Variants in PTPRM observed in about 807,000 individuals in gnomAD.
The protein encoded by PTPRM is receptor-type tyrosine-protein phosphatase mu.
In PTPRM, 47 loss-of-function variants were observed where a neutral mutation model predicts 186.7. The observed-to-expected ratio is 0.25, with a 90% confidence interval of 0.20 to 0.32. The LOEUF (loss-of-function observed/expected upper bound fraction) is 0.32. Among genes scored for constraint, PTPRM ranks in the 10% least tolerant of loss-of-function variants. The probability of loss-of-function intolerance (pLI) is 1.00; values close to 1 mark genes in which losing one functional copy is unlikely to be tolerated. For missense variants in PTPRM, 1,494 were observed against 1,865.0 expected, an observed-to-expected ratio of 0.80 and a Z score of 3.66; for synonymous variants, 668 against 674.9, an observed-to-expected ratio of 0.99 and a Z score of 0.16.
chr18:7,847,281 C>G (rs1416000401), intron 2 of PTPRM, among the ~76,000 whole-genome samples: 1 of 151,730 alleles, frequency 6.6e-6, no homozygotes, highest in Non-Finnish European at 1.5e-5. Context: ...ATTCTCCCAC[C>G]TCAGCCTCCT....
chr18:8,083,696 CAG>C (rs1190524625), intron 9 of PTPRM, among the ~76,000 whole-genome samples: 10 of 152,252 alleles, frequency 6.6e-5, no homozygotes, highest in Non-Finnish European at 1.2e-4. Flanking sequence ...ATGGTGCTTG[CAG>C]AGTGTCAGTG....
At chr18:8,171,439 A>G (rs961117154) in intron 14 of PTPRM, among the ~76,000 whole-genome samples, 1 of 152,192 alleles carries the variant, frequency 6.6e-6, no homozygotes. Flanking sequence ...GGTCTGCCAT[A>G]GATGTGGGAC....
chr18:7,580,941 C>T (rs1236163704), intron 1 of PTPRM, among the ~76,000 whole-genome samples: 1 of 152,152 alleles, frequency 6.6e-6, no homozygotes, highest in Non-Finnish European at 1.5e-5. Flanking sequence ...CATATAAAAT[C>T]CGTATGATGA....
intron 2 of PTPRM, among the ~76,000 whole-genome samples, chr18:7,789,717 CT>C (rs1156268504): frequency 6.6e-6 from 1 of 152,180 alleles, no homozygotes; most frequent in Non-Finnish European, 1.5e-5. Context: ...TATCATTCTC[CT>C]TTCTCAAGTA....
intron 7 of PTPRM, among the ~76,000 whole-genome samples, chr18:7,972,476 C>CAAAAAAAAAAAAAAAAAAAAAAAAAAAAA (rs2054604907): frequency 8.9e-5 from 1 of 11,196 alleles, no homozygotes; most frequent in Non-Finnish European, 1.9e-4. Flanking sequence ...AAAAAAAAAA[C>CAAAAAAAAAAAAAAAAAAAAAAAAAAAAA]ATTAAAAAAA....
intron 32 of PTPRM, among the ~76,000 whole-genome samples, chr18:8,401,629 G>A (rs949220041): frequency 2.0e-5 from 3 of 152,222 alleles, no homozygotes; most frequent in African/African-American, 4.8e-5. Context: ...GGCCGTTGAT[G>A]TGGTGTTTGA....
intron 1 of PTPRM, among the ~76,000 whole-genome samples, chr18:7,736,851 TG>T (rs1281025103): frequency 6.6e-6 from 1 of 152,204 alleles, no homozygotes; most frequent in Admixed American, 6.5e-5. Context: ...TGCCTGTCTT[TG>T]GTCTTATTTC....
intron 2 of PTPRM, among the ~76,000 whole-genome samples, chr18:7,821,774 A>G (rs1013829580): frequency 3.3e-5 from 5 of 152,194 alleles, no homozygotes; most frequent in African/African-American, 1.2e-4. Flanking sequence ...GCTGGCTACT[A>G]AGTGATTTGT....
rs1277302015 is a variant in PTPRM, at chr18:8,069,839, T to C, written c.1286T>C (p.Val429Ala). 1.9e-6 allele frequency: 3 copies of C among 1,613,912 alleles called. No individual in the cohort carries two copies. The highest frequency in any genetic ancestry group is 2.7e-5 in the African/African-American group (2 of 74,906). Residue 429 changes from valine (V) to alanine (A), a missense_variant, in exon 8 of 33, where the codon GTG (valine) becomes GCG (alanine). By Grantham distance (64) the Val-to-Ala change is moderately conservative (BLOSUM62 0). This residue lies in a region of PTPRM where 1,107 missense variants were observed against 1,350.2 expected (regional missense o/e 0.82). Coordinates refer to ENST00000580170, the MANE Select transcript of PTPRM (RefSeq NM_001105244.2). ...TACCAAGTTGGAGGACAAGAACAAG[T>C]GCGAGAAGAAGTAAGCTGGGATACA... The part of the protein sequence containing the change: ...YCYQVGGQEQ[V>A]REEVSWDTEN...
chr18:7,835,879 T>C lies in PTPRM; in HGVS notation c.197-52227T>C, dbSNP rs2046022199. On this transcript the variant is annotated intron_variant, in intron 2 of 32. Transcript: ENST00000580170. ...TGTTTTGTTTTGTTTTGTTTTGTTT[T>C]TTATCTTGAAAGCTATTGTGTCTCC... Among the ~76,000 whole-genome samples, 6 of 116,214 alleles carry C rather than the reference T, an allele frequency of 5.2e-5. No homozygotes were observed. In the South Asian group the frequency reaches 2.0e-3, roughly 39 times the overall value. 76.2% of individuals were successfully genotyped at this position (116,214 alleles called of 152,430 possible).
At chr18:7,577,258 A>G (rs1466721815) in intron 1 of PTPRM, among the ~76,000 whole-genome samples, 2 of 152,232 alleles carry the variant, frequency 1.3e-5, no homozygotes, top group East Asian at 3.8e-4. Flanking sequence ...ATATAAAAGT[A>G]AGACTGTAGT....
chr18:7,648,768 C>T (rs1463010209), intron 1 of PTPRM, among the ~76,000 whole-genome samples: 1 of 152,080 alleles, frequency 6.6e-6, no homozygotes, highest in Non-Finnish European at 1.5e-5. Context: ...AGGCTGTTTC[C>T]AGAACATAAA....
intron 4 of PTPRM, among the ~76,000 whole-genome samples, chr18:7,923,077 T>C (rs1018316571): frequency 9.9e-5 from 15 of 152,170 alleles, no homozygotes; most frequent in African/African-American, 3.6e-4. Flanking sequence ...CCAGGAGTCA[T>C]TACTGAAAAT....
chr18:8,236,791 C>T (rs375808773), intron 14 of PTPRM, among the ~76,000 whole-genome samples: 1 of 152,172 alleles, frequency 6.6e-6, no homozygotes, highest in African/African-American at 2.4e-5. Context: ...GTCCACCTGC[C>T]TCTGCTTCCC....
At chr18:7,756,920 C>T (rs1294059550) in intron 1 of PTPRM, among the ~76,000 whole-genome samples, 1 of 152,160 alleles carries the variant, frequency 6.6e-6, no homozygotes, top group African/African-American at 2.4e-5. Context: ...TCCTTCCTGC[C>T]CAGTGTGGAC....
intron 7 of PTPRM, among the ~76,000 whole-genome samples, chr18:8,006,109 C>T (rs1357670931): frequency 1.3e-5 from 2 of 152,180 alleles, no homozygotes; most frequent in Non-Finnish European, 2.9e-5. Flanking sequence ...CAACTCGCTG[C>T]TGTTAAGCCT....
At chr18:7,796,624 G>A (rs2043666887) in intron 2 of PTPRM, among the ~76,000 whole-genome samples, 1 of 152,218 alleles carries the variant, frequency 6.6e-6, no homozygotes. Flanking sequence ...GTCCTCTGAG[G>A]CTCAATGGCT....
rs147930295 is a variant in PTPRM, at chr18:8,172,161, C to T, written c.2300+28382C>T. 7.3e-3 allele frequency among the ~76,000 whole-genome samples: 1,106 copies of T among 151,982 alleles called. 9 individuals are homozygous for T. Among genetic ancestry groups the T allele is most frequent in the Non-Finnish European group, 0.013 (864 of 67,998 alleles). On this transcript the variant is annotated intron_variant, in intron 14 of 32. Coordinates refer to ENST00000580170, the MANE Select transcript of PTPRM (RefSeq NM_001105244.2). ...AAAAGAAAGAGGTTTAATGGACTCA[C>T]AGTTCTACGTGGCTGGGGAGGCCTC...
At chr18:8,326,139 T>C (rs2095374864) in intron 22 of PTPRM, among the ~76,000 whole-genome samples, 1 of 152,228 alleles carries the variant, frequency 6.6e-6, no homozygotes, top group South Asian at 2.1e-4. Context: ...CTGTTTATTC[T>C]CTGGATAGTT....
Sources: gnomAD v4.1 joint callset for allele counts (sites outside exome capture counted in the v4.1 genomes callset) on GRCh38, gnomAD v4.1.1 for gene constraint, gnomAD v4.1.1 regional missense constraint, MANE v1.5 for transcripts, NCBI Gene and HGNC (gene_info 2026-07-23, HGNC 2026-07-21) for gene names.